LRRN3: variants seen among roughly 807,000 people sequenced by gnomAD.
LRRN3 encodes the protein leucine rich repeat neuronal 3.
In LRRN3, 15 loss-of-function variants were observed where a neutral mutation model predicts 40.1. The observed-to-expected ratio is 0.37, with a 90% confidence interval of 0.25 to 0.58. The LOEUF (loss-of-function observed/expected upper bound fraction) is 0.58. Ranked by LOEUF, LRRN3 falls within the 20% of genes least tolerant of loss-of-function variation. The pLI, the probability that LRRN3 is intolerant of heterozygous loss-of-function variation, is 0.72. For missense variants in LRRN3, 746 were observed against 837.7 expected (o/e 0.89, Z 1.35); for synonymous variants, 308 against 297.2 (o/e 1.04, Z -0.37).
Position 111,122,863 on chromosome 7 carries a change from C to T in LRRN3, c.91C>T (p.Arg31Trp), listed in dbSNP as rs759954213. 61 of 1,613,786 alleles carry T rather than the reference C, an allele frequency of 3.8e-5. No individual in the cohort carries two copies. The Middle Eastern group carries it at 8.2e-4, about 22-fold the overall frequency. The change falls in exon 3 of 3, where the codon CGG becomes TGG. Residue 31 changes from arginine (R) to tryptophan (W), a missense_variant. Coordinates refer to ENST00000308478, the MANE Select transcript of LRRN3 (RefSeq NM_001099658.2). Reference sequence around the variant, plus strand: ...TGTAGATAAAAAAGTGGATTGTCCACGGTTATGTACGTGTGAAATCAGGCC... The same window carrying T: ...TGTAGATAAAAAAGTGGATTGTCCATGGTTATGTACGTGTGAAATCAGGCC... ...QAVDKKVDCP[R>W]LCTCEIRPWF...
At chr7:111,092,944 T>C (rs1797018656) in intron 1 of LRRN3, among the ~76,000 whole-genome samples, 1 of 152,182 alleles carries the variant, frequency 6.6e-6, no homozygotes, top group Non-Finnish European at 1.5e-5. Flanking sequence ...TTTCCACAAC[T>C]GTGATTTCAG....
chr7:111,101,270 C>G (rs1048472062), intron 2 of LRRN3, among the ~76,000 whole-genome samples: 2 of 151,416 alleles, frequency 1.3e-5, no homozygotes, highest in Admixed American at 6.6e-5. Flanking sequence ...TAATCAATGA[C>G]CATGATATAG....
rs568987719 is a variant in LRRN3, at chr7:111,112,257, C to A, written c.-358-10158C>A. Among the ~76,000 whole-genome samples, 101 of 152,208 alleles carry A rather than the reference C, an allele frequency of 6.6e-4. 1 individual carries two copies. The highest frequency in any genetic ancestry group is 1.3e-3 in the Non-Finnish European group (86 of 67,992). On this transcript the variant is annotated intron_variant, in intron 2 of 2. Coordinates refer to ENST00000308478, the MANE Select transcript of LRRN3 (RefSeq NM_001099658.2). ...GGGATTACAGGCATGAGCCACCACT[C>A]CTGGCCCTGAAAATGAAAAACTTTA...
chr7:111,121,804 A>T (rs982306892), intron 2 of LRRN3, among the ~76,000 whole-genome samples: 15 of 152,176 alleles, frequency 9.9e-5, no homozygotes, highest in African/African-American at 2.9e-4. Flanking sequence ...CAGTATTCAC[A>T]ATAGCAAAGA....
chr7:111,111,952 T>TG (rs1310633476), intron 2 of LRRN3, among the ~76,000 whole-genome samples: 1 of 133,666 alleles, frequency 7.5e-6, no homozygotes, highest in African/African-American at 2.8e-5. Flanking sequence ...GTTTTTTTTT[T>TG]TTTTTTTTTT....
intron 2 of LRRN3, among the ~76,000 whole-genome samples, chr7:111,103,371 G>C (rs1314644598): frequency 6.6e-6 from 1 of 151,542 alleles, no homozygotes; most frequent in Non-Finnish European, 1.5e-5. Flanking sequence ...GTTTTTACCA[G>C]TTTATAAATA....
chr7:111,108,378 T>C (rs1265821125), intron 2 of LRRN3, among the ~76,000 whole-genome samples: 2 of 152,158 alleles, frequency 1.3e-5, no homozygotes, highest in African/African-American at 4.8e-5. Flanking sequence ...CTAAATTACA[T>C]GGTTTTCTAT....
chr7:111,125,166 T>C lies in LRRN3; in HGVS notation c.*267T>C. ...CTAAAACTTTCATGTAACTTTTATGTCTGGACTACAGTTCAAGTGGACAAA... is the reference window on the plus strand; with the variant it reads ...CTAAAACTTTCATGTAACTTTTATGCCTGGACTACAGTTCAAGTGGACAAA... On this transcript the variant is annotated 3_prime_UTR_variant, in exon 3 of 3. Transcript: ENST00000308478. The C allele has an allele frequency of 2.0e-5, 7 of 348,710 alleles. No individual in the cohort carries two copies. The allele number at this position is 348,710 out of a possible 1,614,324, so 21.6% of individuals were successfully genotyped here.
chr7:111,100,610 T>C (rs1218788881), intron 2 of LRRN3, among the ~76,000 whole-genome samples: 17 of 151,002 alleles, frequency 1.1e-4, no homozygotes, highest in Non-Finnish European at 2.2e-4. Context: ...AAGTATTACT[T>C]GTGGATTTTC....
Position 111,122,452 on chromosome 7 carries a change from G to A in LRRN3, c.-321G>A, listed in dbSNP as rs1265614390. 1 of 216,690 alleles carries A rather than the reference G, an allele frequency of 4.6e-6. No individual in the cohort carries two copies. The highest frequency in any genetic ancestry group is 2.3e-5 in the African/African-American group (1 of 43,726). 13.4% of individuals were successfully genotyped at this position (216,690 alleles called of 1,614,324 possible). A position where few individuals can be genotyped will look rare whatever the true frequency, so the allele number is the denominator to read the frequency against. On this transcript the variant is annotated 5_prime_UTR_variant, in exon 3 of 3. It removes an upstream start codon present in the reference 5' UTR. Coordinates refer to ENST00000308478, the MANE Select transcript of LRRN3 (RefSeq NM_001099658.2). ...ATTCCTGCAAATACTGAAGAAGCATGGGATTTAAATATTTTACTTCTAAAT... is the reference window on the plus strand; with the variant it reads ...ATTCCTGCAAATACTGAAGAAGCATAGGATTTAAATATTTTACTTCTAAAT...
chr7:111,093,808 T>C (rs1028538864), intron 1 of LRRN3, among the ~76,000 whole-genome samples: 3 of 152,086 alleles, frequency 2.0e-5, no homozygotes, highest in African/African-American at 7.2e-5. Context: ...ACCCATAGTC[T>C]CCCCAAATCA....
At chr7:111,121,061 T>C (rs1800549199) in intron 2 of LRRN3, among the ~76,000 whole-genome samples, 1 of 152,164 alleles carries the variant, frequency 6.6e-6, no homozygotes, top group African/African-American at 2.4e-5. Context: ...AAGCAAAGAT[T>C]TGAAATAACA....
chr7:111,101,751 C>T (rs1469447966), intron 2 of LRRN3, among the ~76,000 whole-genome samples: 1 of 151,298 alleles, frequency 6.6e-6, no homozygotes, highest in Non-Finnish European at 1.5e-5. Context: ...TTTAAGGGAC[C>T]TGACTGGGAC....
At chr7:111,106,203 T>G (rs961455854) in intron 2 of LRRN3, among the ~76,000 whole-genome samples, 2 of 151,806 alleles carry the variant, frequency 1.3e-5, no homozygotes, top group Non-Finnish European at 2.9e-5. Context: ...CCTACTTACT[T>G]CTCAATTGGG....
At chr7:111,120,490 CAACA>C (rs1800464130) in intron 2 of LRRN3, among the ~76,000 whole-genome samples, 1 of 152,150 alleles carries the variant, frequency 6.6e-6, no homozygotes, top group African/African-American at 2.4e-5. Context: ...GTCCCTCCCA[CAACA>C]CATGGGAATT....
intron 1 of LRRN3, among the ~76,000 whole-genome samples, chr7:111,093,424 G>T (rs1797069899): frequency 6.6e-6 from 1 of 152,152 alleles, no homozygotes; most frequent in African/African-American, 2.4e-5. Flanking sequence ...AAGAGGAAAA[G>T]ACTTGAAGTA....
At position 111,123,248 on chromosome 7, in the gene LRRN3, C is replaced by G. The variant is rs368805422; in HGVS notation, c.476C>G (p.Ala159Gly). Reference protein sequence around the residue: ...HNLLSTISPGAFIGLHNLLRL... With the variant: ...HNLLSTISPGGFIGLHNLLRL... ...TTGCTTTCTACAATTTCACCTGGAG[C>G]CTTTATTGGCCTACATAATCTTCTT... Residue 159 changes from alanine (A) to glycine (G), a missense_variant, in exon 3 of 3, where the codon GCC (alanine) becomes GGC (glycine). Ala to Gly is a moderately conservative substitution (Grantham distance 60). Coordinates refer to ENST00000308478, the MANE Select transcript of LRRN3 (RefSeq NM_001099658.2). The surrounding 1 kb of genome is among the most constrained non-coding windows in gnomAD (Gnocchi z 6.4). 7.9e-5 allele frequency: 127 copies of G among 1,613,660 alleles called. 1 individual carries two copies. Among genetic ancestry groups the G allele is most frequent in the East Asian group, 3.8e-4 (17 of 44,858 alleles).
intron 2 of LRRN3, among the ~76,000 whole-genome samples, chr7:111,117,545 T>C (rs1338718028): frequency 6.6e-6 from 1 of 152,126 alleles, no homozygotes; most frequent in Non-Finnish European, 1.5e-5. Flanking sequence ...AGTTGTCATA[T>C]AAATTCAAAT....
intron 2 of LRRN3, among the ~76,000 whole-genome samples, chr7:111,108,881 A>T (rs1798852302): frequency 1.3e-5 from 2 of 152,302 alleles, no homozygotes; most frequent in South Asian, 4.1e-4. Flanking sequence ...ATATTCATTC[A>T]TTCATTCAGT....
Sources: gnomAD v4.1 joint callset for allele counts (sites outside exome capture counted in the v4.1 genomes callset) on GRCh38, gnomAD v4.1.1 for gene constraint, Gnocchi (gnomAD v3.1) non-coding constraint, MANE v1.5 for transcripts, NCBI Gene and HGNC (gene_info 2026-07-23, HGNC 2026-07-21) for gene names.